The following MLIP variants were observed in gnomAD, a reference collection of about 807,000 sequenced individuals.
MLIP encodes muscular LMNA interacting protein.
In MLIP, 79 loss-of-function variants were observed where a neutral mutation model predicts 84.8. That is an observed-to-expected ratio of 0.93 (90% CI 0.78 to 1.12). The LOEUF (loss-of-function observed/expected upper bound fraction) is 1.12. Among genes scored for constraint, MLIP ranks in the 50% most tolerant of loss-of-function variants. The pLI is 0.00. For synonymous variants in MLIP, 504 were observed against 463.0 expected (o/e 1.09, Z -1.14); for missense variants, 1,257 against 1,160.6 (o/e 1.08, Z -1.21).
chr6:54,201,526 TC>T (rs1174856591), intron 10 of MLIP, among the ~76,000 whole-genome samples: 5 of 152,152 alleles, frequency 3.3e-5, no homozygotes, highest in African/African-American at 1.2e-4. Context: ...AATTTCAGTC[TC>T]CCACAGTTAC....
chr6:54,220,160 A>T (rs1780126757), intron 11 of MLIP, among the ~76,000 whole-genome samples: 1 of 152,216 alleles, frequency 6.6e-6, no homozygotes, highest in Non-Finnish European at 1.5e-5. Context: ...AAATGATTAA[A>T]ACAATTTAAA....
At chr6:54,040,463 G>A (rs1249651863) in intron 1 of MLIP, among the ~76,000 whole-genome samples, 1 of 151,994 alleles carries the variant, frequency 6.6e-6, no homozygotes, top group Non-Finnish European at 1.5e-5. Context: ...ACACAGTGTT[G>A]ATGGGAATGT....
rs922030361 is a variant in MLIP, at chr6:54,196,346, C to T, written c.2590-5759C>T. 3.3e-5 allele frequency among the ~76,000 whole-genome samples: 5 copies of T among 152,222 alleles called. No individual in the cohort carries two copies. The East Asian group carries it at 5.8e-4, about 18-fold the overall frequency. ...ATATTTTCCTAATGCTTTCCCTCCT[C>T]GCCCACAACAGGCCTCTGTGTGTTG... is the stretch of plus-strand genomic sequence containing the variant. On this transcript the variant is annotated intron_variant, in intron 10 of 13. Transcript: ENST00000502396.
intron 1 of MLIP, among the ~76,000 whole-genome samples, chr6:54,048,435 T>G (rs1487363019): frequency 2.0e-5 from 3 of 152,082 alleles, no homozygotes; most frequent in Non-Finnish European, 4.4e-5. Flanking sequence ...TATTCAGAGA[T>G]GGCAGAGAAC....
At chr6:54,127,237 T>G (rs1458801449) in intron 3 of MLIP, among the ~76,000 whole-genome samples, 1 of 152,054 alleles carries the variant, frequency 6.6e-6, no homozygotes, top group African/African-American at 2.4e-5. Context: ...GAAAAAATTC[T>G]CCATTATAAT....
chr6:54,097,915 G>T (rs567805029), intron 1 of MLIP, among the ~76,000 whole-genome samples: 1 of 152,100 alleles, frequency 6.6e-6, no homozygotes, highest in Non-Finnish European at 1.5e-5. Context: ...TCCCCAATCC[G>T]ATGACTTGCA....
intron 1 of MLIP, among the ~76,000 whole-genome samples, chr6:54,090,568 A>G (rs549785713): frequency 6.6e-6 from 1 of 152,198 alleles, no homozygotes; most frequent in East Asian, 1.9e-4. Flanking sequence ...TTCAGCAAAC[A>G]TTAGTGTGAG....
intron 1 of MLIP, among the ~76,000 whole-genome samples, chr6:54,025,013 T>C (rs1195676345): frequency 6.6e-6 from 1 of 151,396 alleles, no homozygotes; most frequent in East Asian, 1.9e-4. Flanking sequence ...AATTTTTTTT[T>C]TTTTTTTTGT....
intron 2 of MLIP, among the ~76,000 whole-genome samples, chr6:54,122,119 A>T (rs553896758): frequency 6.6e-6 from 1 of 152,334 alleles, no homozygotes; most frequent in South Asian, 2.1e-4. Flanking sequence ...ACCTTTCAAT[A>T]ATCTAACTCT....
chr6:54,231,650 TCAGAC>T (rs1404449740), intron 12 of MLIP, among the ~76,000 whole-genome samples: 1 of 152,212 alleles, frequency 6.6e-6, no homozygotes, highest in African/African-American at 2.4e-5. Flanking sequence ...GTACAGATGC[TCAGAC>T]CCTGAAAATT....
intron 1 of MLIP, among the ~76,000 whole-genome samples, chr6:54,087,862 G>T (rs1767608071): frequency 1.4e-5 from 2 of 143,382 alleles, no homozygotes; most frequent in Admixed American, 1.4e-4. Flanking sequence ...CTTGCTCTTT[G>T]CCAGAAGATC....
intron 12 of MLIP, among the ~76,000 whole-genome samples, chr6:54,240,340 T>G (rs1440518379): frequency 6.6e-6 from 1 of 152,224 alleles, no homozygotes. Context: ...AAATACCTTT[T>G]TACTTTTATT....
chr6:54,226,613 A>AG (rs1242234180), intron 11 of MLIP, among the ~76,000 whole-genome samples: 1 of 151,112 alleles, frequency 6.6e-6, no homozygotes, highest in Non-Finnish European at 1.5e-5. Flanking sequence ...ACCAAACCAA[A>AG]AAAAAAATGA....
intron 1 of MLIP, among the ~76,000 whole-genome samples, chr6:54,076,215 G>A (rs959956855): frequency 2.0e-5 from 3 of 152,142 alleles, no homozygotes; most frequent in African/African-American, 7.2e-5. Context: ...ATGTGCCAAG[G>A]AGTGGGTCAG....
At chr6:54,143,402 C>T (rs942625032) in intron 4 of MLIP, among the ~76,000 whole-genome samples, 2 of 152,022 alleles carry the variant, frequency 1.3e-5, no homozygotes, top group African/African-American at 4.8e-5. Flanking sequence ...GACGGGGTTT[C>T]ACCACATTGG....
intron 10 of MLIP, among the ~76,000 whole-genome samples, chr6:54,200,617 TTTTTTTTTTTTTTTTTG>T (rs1562049823): frequency 5.6e-5 from 1 of 17,764 alleles, no homozygotes; most frequent in African/African-American, 7.5e-5. Flanking sequence ...GTTTTTTTTT[TTTTTTTTTTTTTTTTTG>T]GCAGCACTTA....
chr6:54,030,018 T>C (rs560356275), intron 1 of MLIP, among the ~76,000 whole-genome samples: 1 of 152,290 alleles, frequency 6.6e-6, no homozygotes, highest in South Asian at 2.1e-4. Context: ...ATCACAGTGG[T>C]ATACAAATTA....
intron 9 of MLIP, among the ~76,000 whole-genome samples, chr6:54,169,876 T>A (rs545380188): frequency 2.0e-5 from 3 of 151,878 alleles, no homozygotes; most frequent in Admixed American, 6.6e-5. Context: ...ATTTTTGTAA[T>A]GGTTTATTAT....
intron 3 of MLIP, among the ~76,000 whole-genome samples, chr6:54,126,867 T>TTGGTTTA (rs1770963042): frequency 6.6e-6 from 1 of 152,176 alleles, no homozygotes; most frequent in African/African-American, 2.4e-5. Flanking sequence ...GTAAATTACC[T>TTGGTTTA]CTATTGGTTA....
Sources: gnomAD v4.1 joint callset for allele counts (sites outside exome capture counted in the v4.1 genomes callset) on GRCh38, gnomAD v4.1.1 for gene constraint, MANE v1.5 for transcripts, NCBI Gene and HGNC (gene_info 2026-07-23, HGNC 2026-07-21) for gene names.